The following PTPRD variants were observed in gnomAD, a reference collection of about 807,000 sequenced individuals.
PTPRD encodes the protein protein tyrosine phosphatase receptor type D.
In PTPRD, 34 loss-of-function variants were observed where a neutral mutation model predicts 214.5. That is an observed-to-expected ratio of 0.16 (90% CI 0.12 to 0.21). The LOEUF is 0.21. Among genes scored for constraint, PTPRD ranks in the 10% least tolerant of loss-of-function variants. PTPRD has a pLI of 1.00. For missense variants in PTPRD, 2,545 were observed against 2,398.7 expected (o/e 1.06, Z -1.27); for synonymous variants, 1,128 against 845.7 (o/e 1.33, Z -5.79).
intron 12 of PTPRD, among the ~76,000 whole-genome samples, chr9:8,679,891 C>T (rs139836871): frequency 2.6e-5 from 4 of 152,288 alleles, no homozygotes; most frequent in African/African-American, 9.6e-5. Flanking sequence ...TTCTCAAATG[C>T]ACAAATGTAC....
chr9:9,154,998 T>C (rs916695303), intron 10 of PTPRD, among the ~76,000 whole-genome samples: 1 of 152,200 alleles, frequency 6.6e-6, no homozygotes, highest in African/African-American at 2.4e-5. Context: ...ATAGGTTTTC[T>C]TAAAGTCTGC....
chr9:9,164,933 A>T (rs2099899318), intron 10 of PTPRD, among the ~76,000 whole-genome samples: 1 of 151,982 alleles, frequency 6.6e-6, no homozygotes, highest in East Asian at 1.9e-4. Flanking sequence ...CACACCTGTA[A>T]TCCCAGCTAC....
At chr9:9,962,134 T>C (rs1456605804) in intron 4 of PTPRD, among the ~76,000 whole-genome samples, 2 of 152,050 alleles carry the variant, frequency 1.3e-5, no homozygotes, top group Non-Finnish European at 2.9e-5. Flanking sequence ...AAAAAGTTAA[T>C]GATTAAAAGA....
chr9:8,525,138 G>C (rs1192280757), intron 17 of PTPRD, 103 bp from the exon 18 acceptor site: 5 of 968,390 alleles, frequency 5.2e-6, no homozygotes, highest in Non-Finnish European at 8.3e-6. Flanking sequence ...GCAAAGCGAA[G>C]GTCCACTCAA....
At position 9,399,786 on chromosome 9, in the gene PTPRD, G is replaced by A. The variant is rs138967094; in HGVS notation, c.-236-2304C>T. 4.1e-3 allele frequency among the ~76,000 whole-genome samples: 623 copies of A among 152,014 alleles called. 5 individuals carry two copies. The highest frequency in any genetic ancestry group is 0.014 in the African/African-American group (591 of 41,480). ...TGACTTTGCTCCTCATTCACCTTCC[G>A]CCATGATTCTGAAGCCTCCCCAGCC... is the stretch of plus-strand genomic sequence containing the variant. On this transcript the variant is annotated intron_variant, in intron 8 of 45. Transcript: ENST00000381196.
At chr9:10,080,241 A>G (rs1048981004) in intron 3 of PTPRD, among the ~76,000 whole-genome samples, 8 of 152,184 alleles carry the variant, frequency 5.3e-5, no homozygotes, top group Admixed American at 5.2e-4. Flanking sequence ...GTAGCAAAAC[A>G]GTTCACACTA....
intron 8 of PTPRD, among the ~76,000 whole-genome samples, chr9:9,444,972 T>C (rs1006923994): frequency 4.6e-5 from 7 of 152,198 alleles, no homozygotes; most frequent in African/African-American, 1.7e-4. Context: ...TCTTGCTCTA[T>C]TATGTGTATC....
At chr9:8,414,349 A>G (rs2093740585) in intron 35 of PTPRD, among the ~76,000 whole-genome samples, 1 of 152,208 alleles carries the variant, frequency 6.6e-6, no homozygotes, top group Admixed American at 6.5e-5. Flanking sequence ...CAATTTTTAC[A>G]TATGTACTTA....
intron 14 of PTPRD, among the ~76,000 whole-genome samples, chr9:8,581,794 G>A (rs895233833): frequency 1.3e-5 from 2 of 148,454 alleles, no homozygotes; most frequent in East Asian, 4.0e-4. Flanking sequence ...GGGAGGGGAG[G>A]AGAGGTGAGG....
chr9:9,559,529 G>T lies in PTPRD; in HGVS notation c.-237+15203C>A, dbSNP rs151131571. Among the ~76,000 whole-genome samples, 737 of 152,344 alleles carry T rather than the reference G, an allele frequency of 4.8e-3. 5 individuals are homozygous for T. The highest frequency in any genetic ancestry group is 8.0e-3 in the Non-Finnish European group (542 of 68,030). On this transcript the variant is annotated intron_variant, in intron 8 of 45. Coordinates refer to ENST00000381196, the MANE Select transcript of PTPRD (RefSeq NM_002839.4). ...AGGGCTTGTGCCTACTGAATAGGCTGCTTGGCTGTCTCAGCCTCATCATCC... is the reference window on the plus strand; with the variant it reads ...AGGGCTTGTGCCTACTGAATAGGCTTCTTGGCTGTCTCAGCCTCATCATCC...
chr9:8,573,911 AG>A (rs1402717747), intron 14 of PTPRD, among the ~76,000 whole-genome samples: 2 of 152,004 alleles, frequency 1.3e-5, no homozygotes, highest in Non-Finnish European at 2.9e-5. Flanking sequence ...TAAGCTTGGC[AG>A]AAAATAATTT....
intron 7 of PTPRD, among the ~76,000 whole-genome samples, chr9:9,653,623 T>G (rs926337887): frequency 3.9e-5 from 6 of 152,166 alleles, no homozygotes; most frequent in African/African-American, 1.2e-4. Context: ...CTGAACAGCA[T>G]GAGGTCCTGT....
chr9:9,900,597 A>C (rs1327415428), intron 5 of PTPRD, among the ~76,000 whole-genome samples: 1 of 150,678 alleles, frequency 6.6e-6, no homozygotes, highest in Non-Finnish European at 1.5e-5. Flanking sequence ...ACTCTTCCAA[A>C]GTCGGCCTGT....
At chr9:9,889,911 C>T (rs2072626199) in intron 5 of PTPRD, among the ~76,000 whole-genome samples, 2 of 151,854 alleles carry the variant, frequency 1.3e-5, no homozygotes, top group Admixed American at 6.6e-5. Flanking sequence ...ATGGTACTTC[C>T]CTGTAGGCAC....
rs2134789391 is a variant in PTPRD, at chr9:8,375,917, G to A, written c.4661+19C>T. 1 of 1,602,342 alleles carries A rather than the reference G, an allele frequency of 6.2e-7. No homozygotes were observed. The highest frequency in any genetic ancestry group is 1.3e-5 in the African/African-American group (1 of 74,454). On this transcript the variant is annotated intron_variant, in intron 39 of 45. Transcript: ENST00000381196. The stretch of plus-strand genomic sequence containing the variant: ...TTAGCTTTCTGTTTCCTGACTGCAA[G>A]TGAACAAACGCTTCTTACCTGCAGT...
chr9:9,954,096 G>T (rs1269977433), intron 4 of PTPRD, among the ~76,000 whole-genome samples: 1 of 151,794 alleles, frequency 6.6e-6, no homozygotes, highest in Non-Finnish European at 1.5e-5. Context: ...AGAAGTTTGA[G>T]ACCAGTGGGG....
chr9:10,308,773 T>A (rs1211833531), intron 3 of PTPRD, among the ~76,000 whole-genome samples: 1 of 152,080 alleles, frequency 6.6e-6, no homozygotes, highest in Non-Finnish European at 1.5e-5. Flanking sequence ...GTTTTTCACC[T>A]CCTCAAGCAG....
intron 8 of PTPRD, among the ~76,000 whole-genome samples, chr9:9,440,853 G>A (rs2144355962): frequency 6.6e-6 from 1 of 152,278 alleles, no homozygotes; most frequent in South Asian, 2.1e-4. Context: ...TAGCACATGG[G>A]CTTTTCTGAG....
At chr9:8,496,219 C>G (rs928929546) in intron 26 of PTPRD, among the ~76,000 whole-genome samples, 1 of 151,034 alleles carries the variant, frequency 6.6e-6, no homozygotes, top group Non-Finnish European at 1.5e-5. Context: ...CAAACACACA[C>G]ACACACACAC....
Sources: gnomAD v4.1 joint callset for allele counts (sites outside exome capture counted in the v4.1 genomes callset) on GRCh38, gnomAD v4.1.1 for gene constraint, MANE v1.5 for transcripts, NCBI Gene and HGNC (gene_info 2026-07-23, HGNC 2026-07-21) for gene names.